The following WDR88 variants were observed in gnomAD, a reference collection of about 807,000 sequenced individuals.
WDR88 encodes WD repeat domain 88, also known as WD repeat-containing protein 88.
In WDR88, 40 loss-of-function variants were observed where a neutral mutation model predicts 46.8. That is an observed-to-expected ratio of 0.86 (90% CI 0.66 to 1.11). The LOEUF (loss-of-function observed/expected upper bound fraction) is 1.11, where lower values mean the gene tolerates loss of function less well. Among genes scored for constraint, WDR88 ranks in the 50% most tolerant of loss-of-function variants. The pLI is 0.00. For missense variants in WDR88, 562 were observed against 602.4 expected (o/e 0.93, Z 0.70); for synonymous variants, 235 against 240.7 (o/e 0.98, Z 0.22).
intron 8 of WDR88, among the ~76,000 whole-genome samples, chr19:33,162,626 C>G (rs1291322745): frequency 6.6e-6 from 1 of 152,094 alleles, no homozygotes; most frequent in Non-Finnish European, 1.5e-5. Flanking sequence ...TACAGGGCCT[C>G]TGAGGGGTAT....
intron 1 of WDR88, among the ~76,000 whole-genome samples, chr19:33,137,335 C>A (rs1178160638): frequency 6.6e-6 from 1 of 151,548 alleles, no homozygotes; most frequent in East Asian, 1.9e-4. Context: ...CTCACTGCAA[C>A]CTCCGCCTCC....
chr19:33,153,069 GAGAC>G (rs1973665775), intron 6 of WDR88, among the ~76,000 whole-genome samples: 1 of 151,608 alleles, frequency 6.6e-6, no homozygotes, highest in Non-Finnish European at 1.5e-5. Context: ...ATTTGATTTC[GAGAC>G]AGAGTCTTGC....
At chr19:33,151,359 C>CA (rs1201382033) in intron 6 of WDR88, 49 bp downstream of exon 6, 1 of 1,587,672 alleles carries the variant, frequency 6.3e-7, no homozygotes, top group Non-Finnish European at 8.6e-7. Context: ...GGGGCGTCCC[C>CA]ATTCATGACT....
Position 33,175,702 on chromosome 19 carries a change from C to G in WDR88, c.*130C>G. ...TGTCAGACTGGGGCAGGACCCAAGC[C>G]CTGGCTGGACTCAGCACAGTGCCAC... On this transcript the variant is annotated 3_prime_UTR_variant, in exon 11 of 11. Coordinates refer to ENST00000355868, the MANE Select transcript of WDR88 (RefSeq NM_173479.4). 2 of 1,095,922 alleles carry G rather than the reference C, an allele frequency of 1.8e-6. No homozygotes were observed. Among genetic ancestry groups the G allele is most frequent in the Non-Finnish European group, 2.6e-6 (2 of 761,910 alleles). The allele number at this position is 1,095,922 out of a possible 1,614,324, so 67.9% of individuals were successfully genotyped here.
chr19:33,132,266 C>A lies in WDR88; in HGVS notation c.97C>A (p.Leu33Met). Residue 33 changes from leucine (L) to methionine (M), a missense_variant, in exon 1 of 11, where the codon CTG (leucine) becomes ATG (methionine). Transcript: ENST00000355868. ...APASEYCPGK[L>M]SWGTMARALG... ...CGCCAGCGAGTATTGTCCCGGCAAG[C>A]TGTCCTGGGGGACCATGGCGAGGGC... is the stretch of plus-strand genomic sequence containing the variant. 6.2e-7 allele frequency: 1 copy of A among 1,613,304 alleles called. No individual in the cohort carries two copies. The highest frequency in any genetic ancestry group is 8.5e-7 in the Non-Finnish European group (1 of 1,179,984).
chr19:33,150,981 C>T (rs562099317), intron 5 of WDR88, among the ~76,000 whole-genome samples, 200 bp from the exon 6 acceptor site: 32 of 152,324 alleles, frequency 2.1e-4, no homozygotes, highest in South Asian at 2.1e-4. Flanking sequence ...GGCAGCTCTG[C>T]GGGGGCAGGG....
chr19:33,170,526 T>C (rs941033711), intron 9 of WDR88, among the ~76,000 whole-genome samples: 7 of 152,166 alleles, frequency 4.6e-5, no homozygotes, highest in African/African-American at 1.4e-4. Flanking sequence ...AGCCATCTTG[T>C]AGGCACATGT....
chr19:33,151,382 C>T (rs1973632029), intron 6 of WDR88, 72 bp downstream of exon 6: 3 of 1,535,064 alleles, frequency 2.0e-6, no homozygotes, highest in Non-Finnish European at 2.6e-6. Flanking sequence ...CTGAATTCCA[C>T]ATAAGCCAGC....
In WDR88 at chr19:33,164,651, G is replaced by A. The variant is rs184744905; in HGVS notation, c.1149+386G>A. Among the ~76,000 whole-genome samples, 4 of 152,212 alleles carry A rather than the reference G, an allele frequency of 2.6e-5. No homozygotes were observed. The East Asian group carries it at 7.7e-4, about 29-fold the overall frequency. On this transcript the variant is annotated intron_variant, in intron 9 of 10. Transcript: ENST00000355868. ...TGCATCTTGAGATTCCCATTCCACT[G>A]GCACATAGCAGCCAGCCCAGGATAT...
chr19:33,173,191 T>C (rs1412453056), intron 10 of WDR88, among the ~76,000 whole-genome samples: 1 of 146,808 alleles, frequency 6.8e-6, no homozygotes, highest in Non-Finnish European at 1.5e-5. Flanking sequence ...GCCAGCCTGG[T>C]GCATCGGAGG....
At chr19:33,157,266 G>T (rs2145401285) in intron 7 of WDR88, among the ~76,000 whole-genome samples, 1 of 151,710 alleles carries the variant, frequency 6.6e-6, no homozygotes, top group East Asian at 1.9e-4. Flanking sequence ...GGAGGCTGAG[G>T]TGGGCGGATC....
At chr19:33,157,775 T>C (rs1343110983) in intron 7 of WDR88, among the ~76,000 whole-genome samples, 1 of 146,066 alleles carries the variant, frequency 6.8e-6, no homozygotes, top group Non-Finnish European at 1.5e-5. Context: ...GTGGTCCAGC[T>C]CAGCCTAGTT....
At chr19:33,157,635 A>G (rs1406344119) in intron 7 of WDR88, among the ~76,000 whole-genome samples, 3 of 139,154 alleles carry the variant, frequency 2.2e-5, no homozygotes, top group Non-Finnish European at 4.6e-5. Context: ...ATGTATGTGT[A>G]TATATGTGTG....
chr19:33,144,288 C>T (rs1160252596), intron 2 of WDR88, among the ~76,000 whole-genome samples: 1 of 152,190 alleles, frequency 6.6e-6, no homozygotes, highest in Non-Finnish European at 1.5e-5. Flanking sequence ...AAACCTCCGA[C>T]TTCCGGGTTC....
intron 9 of WDR88, among the ~76,000 whole-genome samples, chr19:33,168,273 G>A (rs367880021): frequency 5.3e-5 from 8 of 150,748 alleles, no homozygotes; most frequent in African/African-American, 2.0e-4. Context: ...TGATCCACCC[G>A]CCTCGGCCTC....
chr19:33,174,346 G>A, intron 10 of WDR88: 1 of 1,464,328 alleles, frequency 6.8e-7, no homozygotes, highest in Non-Finnish European at 9.0e-7. Flanking sequence ...GGAGTGGGCA[G>A]AACAGCAAAG....
intron 9 of WDR88, among the ~76,000 whole-genome samples, chr19:33,166,606 A>C (rs983841944): frequency 5.3e-5 from 8 of 151,866 alleles, no homozygotes; most frequent in African/African-American, 1.9e-4. Flanking sequence ...CTTTAAAAAA[A>C]AATTATTGAA....
intron 9 of WDR88, among the ~76,000 whole-genome samples, chr19:33,169,418 G>A (rs1682653552): frequency 6.6e-6 from 1 of 152,112 alleles, no homozygotes; most frequent in Non-Finnish European, 1.5e-5. Flanking sequence ...CCCATTTCAA[G>A]GATGGGCAAA....
intron 3 of WDR88, among the ~76,000 whole-genome samples, chr19:33,147,381 T>C (rs1973540505): frequency 6.6e-6 from 1 of 152,078 alleles, no homozygotes; most frequent in African/African-American, 2.4e-5. Flanking sequence ...GGCAGGTGGA[T>C]CACTTGAGGT....
Sources: gnomAD v4.1 joint callset for allele counts (sites outside exome capture counted in the v4.1 genomes callset) on GRCh38, gnomAD v4.1.1 for gene constraint, MANE v1.5 for transcripts, NCBI Gene and HGNC (gene_info 2026-07-23, HGNC 2026-07-21) for gene names.